The following DAB1 variants were observed in gnomAD, a reference collection of about 807,000 sequenced individuals.
The protein encoded by DAB1 is disabled homolog 1.
Under a neutral mutation model 64.6 loss-of-function variants are expected in DAB1, and 15 were observed. The ratio of observed to expected loss-of-function variants is 0.23; its 90% CI spans 0.16 to 0.36. The LOEUF (loss-of-function observed/expected upper bound fraction) is 0.36, where lower values mean the gene tolerates loss of function less well. Among genes scored for constraint, DAB1 ranks in the 10% least tolerant of loss-of-function variants. DAB1 has a pLI of 1.00. For synonymous variants in DAB1, 235 were observed against 251.9 expected, an observed-to-expected ratio of 0.93 and a Z score of 0.64; for missense variants, 596 against 706.7, an observed-to-expected ratio of 0.84 and a Z score of 1.78.
At chr1:58,133,318 C>T (rs1653750963) in intron 5 of DAB1, among the ~76,000 whole-genome samples, 1 of 152,204 alleles carries the variant, frequency 6.6e-6, no homozygotes, top group South Asian at 2.1e-4. Context: ...TGGCTAACTC[C>T]TGTTCAACCC....
At chr1:57,360,418 A>G (rs1679454718) in intron 1 of DAB1, among the ~76,000 whole-genome samples, 1 of 152,066 alleles carries the variant, frequency 6.6e-6, no homozygotes, top group Non-Finnish European at 1.5e-5. Flanking sequence ...GCCCATGTCA[A>G]TACTACTCAT....
intron 4 of DAB1, among the ~76,000 whole-genome samples, chr1:58,305,560 T>C (rs1662285973): frequency 6.6e-6 from 1 of 152,192 alleles, no homozygotes; most frequent in Admixed American, 6.5e-5. Flanking sequence ...GTGACAAACA[T>C]CTCTGTGTGT....
At chr1:57,455,277 A>G (rs1255741375) in intron 7 of DAB1, among the ~76,000 whole-genome samples, 1 of 152,176 alleles carries the variant, frequency 6.6e-6, no homozygotes, top group Non-Finnish European at 1.5e-5. Flanking sequence ...TTTTCTGTCT[A>G]TAGATCAGGT....
At chr1:58,426,453 C>A (rs1030129138) in intron 3 of DAB1, among the ~76,000 whole-genome samples, 2 of 152,084 alleles carry the variant, frequency 1.3e-5, no homozygotes, top group Admixed American at 1.3e-4. Flanking sequence ...GGTGTAGGAA[C>A]CAGGTATTGG....
At chr1:58,521,750 G>A (rs1646268144) in intron 2 of DAB1, among the ~76,000 whole-genome samples, 1 of 152,048 alleles carries the variant, frequency 6.6e-6, no homozygotes, top group East Asian at 1.9e-4. Context: ...ATCTATTAAA[G>A]AGACTGAATC....
At chr1:57,045,473 G>T (rs536881657) in intron 9 of DAB1, among the ~76,000 whole-genome samples, 4 of 152,130 alleles carry the variant, frequency 2.6e-5, no homozygotes, top group African/African-American at 9.7e-5. Flanking sequence ...CAAGGCAGGC[G>T]GATCACTTGA....
intron 4 of DAB1, among the ~76,000 whole-genome samples, chr1:58,211,182 C>T (rs1295941083): frequency 6.6e-6 from 1 of 152,088 alleles, no homozygotes; most frequent in Non-Finnish European, 1.5e-5. Flanking sequence ...GTCTTAAGAG[C>T]CATCTCTACA....
At chr1:57,152,430 T>C (rs1659778780) in intron 2 of DAB1, among the ~76,000 whole-genome samples, 1 of 152,238 alleles carries the variant, frequency 6.6e-6, no homozygotes, top group South Asian at 2.1e-4. Context: ...GAATTTTCAA[T>C]GTAGCACTGA....
chr1:57,080,869 T>A (rs1247325022), intron 4 of DAB1, among the ~76,000 whole-genome samples: 2 of 152,114 alleles, frequency 1.3e-5, no homozygotes, highest in African/African-American at 4.8e-5. Context: ...CTACGTATAA[T>A]CACAGTTGGT....
intron 7 of DAB1, among the ~76,000 whole-genome samples, chr1:57,466,837 A>T (rs1380396285): frequency 6.6e-6 from 1 of 152,160 alleles, no homozygotes; most frequent in Non-Finnish European, 1.5e-5. Flanking sequence ...CCCTTCTCAC[A>T]TGACCCTCTC....
chr1:57,591,220 C>A (rs1645442229), intron 7 of DAB1, among the ~76,000 whole-genome samples: 1 of 152,172 alleles, frequency 6.6e-6, no homozygotes, highest in Non-Finnish European at 1.5e-5. Flanking sequence ...GGCTGTGTGA[C>A]CTTGGGCAAA....
intron 1 of DAB1, among the ~76,000 whole-genome samples, chr1:57,349,855 A>G (rs1302423918): frequency 6.6e-6 from 1 of 152,226 alleles, no homozygotes; most frequent in African/African-American, 2.4e-5. Flanking sequence ...TGACTAAAAT[A>G]CTGATTGTAG....
chr1:57,856,491 A>T (rs1463348038), intron 1 of DAB1, among the ~76,000 whole-genome samples: 5 of 152,188 alleles, frequency 3.3e-5, no homozygotes, highest in Non-Finnish European at 7.3e-5. Context: ...TGCCAGGCGC[A>T]GTGGCTCACA....
intron 7 of DAB1, among the ~76,000 whole-genome samples, chr1:57,640,423 A>T (rs1052932402): frequency 6.6e-6 from 1 of 152,112 alleles, no homozygotes. Flanking sequence ...CTTCACAACC[A>T]CTTCTAATTT....
At chr1:57,050,055 C>A (rs186226187) in intron 9 of DAB1, among the ~76,000 whole-genome samples, 1 of 152,278 alleles carries the variant, frequency 6.6e-6, no homozygotes, top group East Asian at 1.9e-4. Flanking sequence ...TCTCTTCTGT[C>A]CTTCTATCCC....
At chr1:57,181,090 G>A (rs993256110) in intron 2 of DAB1, among the ~76,000 whole-genome samples, 2 of 152,172 alleles carry the variant, frequency 1.3e-5, no homozygotes, top group East Asian at 3.9e-4. Context: ...CCCTATCTCA[G>A]TGACCACTGT....
chr1:57,362,811 ACACACAAG>A (rs982466005), intron 1 of DAB1, among the ~76,000 whole-genome samples: 6 of 152,110 alleles, frequency 3.9e-5, no homozygotes, highest in African/African-American at 1.4e-4. Context: ...CAAAATACAC[ACACACAAG>A]CACACAAACA....
In DAB1 at chr1:58,129,883, G is replaced by C. The variant is rs536631842; in HGVS notation, n.387+20628C>G. ...AGGAGAGCTTTACTTCCAACTATGTGGTCAATTTTGGAATAGGTGTGGTGT... is the reference window on the plus strand; with the variant it reads ...AGGAGAGCTTTACTTCCAACTATGTCGTCAATTTTGGAATAGGTGTGGTGT... On this transcript the variant is annotated intron_variant and non_coding_transcript_variant, in intron 5 of 20. Transcript: ENST00000485760. Among the ~76,000 whole-genome samples, 4 of 147,624 alleles carry C rather than the reference G, an allele frequency of 2.7e-5. No individual in the cohort carries two copies. In the East Asian group the frequency reaches 8.1e-4, roughly 30 times the overall value.
intron 14 of DAB1, among the ~76,000 whole-genome samples, chr1:57,006,560 A>G (rs1398324798): frequency 2.0e-5 from 3 of 152,158 alleles, no homozygotes. Context: ...GACCCTGGTC[A>G]TCTTCTGCCT....
Sources: gnomAD v4.1 joint callset for allele counts (sites outside exome capture counted in the v4.1 genomes callset) on GRCh38, gnomAD v4.1.1 for gene constraint, MANE v1.5 for transcripts, NCBI Gene and HGNC (gene_info 2026-07-23, HGNC 2026-07-21) for gene names.